Variants in KIAA1217 observed in about 807,000 individuals in gnomAD.
KIAA1217 encodes the protein KIAA1217, also known as sickle tail protein homolog.
In KIAA1217, 88 loss-of-function variants were observed where a neutral mutation model predicts 163.9. The observed-to-expected ratio is 0.54, with a 90% confidence interval of 0.45 to 0.64. The LOEUF is 0.64. Ranked by LOEUF, KIAA1217 falls within the 30% of genes least tolerant of loss-of-function variation. The pLI is 0.00. For missense variants in KIAA1217, 2,372 were observed against 2,475.0 expected (o/e 0.96, Z 0.88); for synonymous variants, 903 against 923.1 (o/e 0.98, Z 0.39).
In KIAA1217 at chr10:24,380,990, CT is replaced by C; in HGVS notation, c.481del (p.Ser161ProfsTer13). On this transcript the variant is annotated frameshift_variant, in exon 3 of 21. Transcript: ENST00000376454. LOFTEE classifies it high-confidence loss of function. Reference sequence around the variant, plus strand: ...ATGTCTGAGGGGGATGCTCCAACCCCTTTTTCCAGAGGCAGCCGGACTCGTG... The same window carrying C: ...ATGTCTGAGGGGGATGCTCCAACCCCTTTTCCAGAGGCAGCCGGACTCGTG... ...EAMSEGDAPTPFSRGSRTRAS... is the reference protein window; with the variant it reads ...EAMSEGDAPTXFSRGSRTRAS... 3 of 1,608,748 alleles carry C rather than the reference CT, an allele frequency of 1.9e-6. No individual in the cohort carries two copies. The highest frequency in any genetic ancestry group is 1.7e-5 in the Admixed American group (1 of 59,206).
chr10:24,545,159 C>T lies in KIAA1217; in HGVS notation c.5334+56C>T, dbSNP rs201621252. On this transcript the variant is annotated intron_variant, in intron 20 of 20. Transcript: ENST00000376454. ...GACGCTATTTCAGTTAAGCAAGTCA[C>T]TGACTTAGTTTATACCAAATATTGT... 2,266 of 1,608,472 alleles carry T rather than the reference C, an allele frequency of 1.4e-3. 2 individuals are homozygous for T. Among genetic ancestry groups the T allele is most frequent in the Non-Finnish European group, 1.6e-3 (1,891 of 1,176,014 alleles).
intron 11 of KIAA1217, 91 bp downstream of exon 11, chr10:24,520,344 C>G (rs2070905220): frequency 6.6e-7 from 1 of 1,513,804 alleles, no homozygotes; most frequent in Non-Finnish European, 9.0e-7. Flanking sequence ...TTCATGTATG[C>G]AAGTATTTAT....
At chr10:24,093,675 G>C (rs2062029292) in intron 2 of KIAA1217, among the ~76,000 whole-genome samples, 1 of 150,634 alleles carries the variant, frequency 6.6e-6, no homozygotes, top group Admixed American at 6.6e-5. Flanking sequence ...TATACTTTAA[G>C]TTTTAGGGTA....
Position 24,545,048 on chromosome 10 carries a change from C to A in KIAA1217, c.5279C>A (p.Thr1760Asn), listed in dbSNP as rs766229257. ...VPMSAKNRPGTLDKPGKQSKL... is the reference protein window; with the variant it reads ...VPMSAKNRPGNLDKPGKQSKL... ...ATGAGTGCCAAGAACAGACCCGGAACCCTGGACAAACCCGGCAAGCAGTCC... is the reference window on the plus strand; with the variant it reads ...ATGAGTGCCAAGAACAGACCCGGAAACCTGGACAAACCCGGCAAGCAGTCC... Residue 1760 changes from threonine (T) to asparagine (N), a missense_variant, in exon 20 of 21, where the codon ACC (threonine) becomes AAC (asparagine). By Grantham distance (65) the Thr-to-Asn change is moderately conservative. This residue lies in a region of KIAA1217 where 690 missense variants were observed against 677.5 expected (regional missense o/e 1.02). Transcript: ENST00000376454. 1.9e-6 allele frequency: 3 copies of A among 1,614,154 alleles called. No homozygotes were observed. The highest frequency in any genetic ancestry group is 2.2e-5 in the South Asian group (2 of 91,076).
At chr10:23,859,006 C>T (rs984490451) in intron 1 of KIAA1217, among the ~76,000 whole-genome samples, 1 of 152,198 alleles carries the variant, frequency 6.6e-6, no homozygotes, top group African/African-American at 2.4e-5. Flanking sequence ...GAAATTTAAA[C>T]TTATTCTAAG....
At chr10:23,747,490 C>T (rs1330362791) in intron 1 of KIAA1217, among the ~76,000 whole-genome samples, 1 of 151,948 alleles carries the variant, frequency 6.6e-6, no homozygotes, top group Non-Finnish European at 1.5e-5. Context: ...GAAATATGCT[C>T]CCACATGACC....
intron 3 of KIAA1217, among the ~76,000 whole-genome samples, chr10:24,390,005 A>G (rs999962869): frequency 6.6e-6 from 1 of 152,132 alleles, no homozygotes; most frequent in African/African-American, 2.4e-5. Flanking sequence ...ACACCTGACC[A>G]GAGTTTAAGG....
intron 1 of KIAA1217, among the ~76,000 whole-genome samples, chr10:23,704,176 A>C (rs7475615): frequency 2.7e-5 from 1 of 37,042 alleles, no homozygotes; most frequent in Non-Finnish European, 4.8e-5. Flanking sequence ...GTGTGTGTAT[A>C]TATATATATA....
intron 1 of KIAA1217, among the ~76,000 whole-genome samples, chr10:23,823,079 A>T (rs1294314862): frequency 1.3e-5 from 2 of 152,208 alleles, no homozygotes; most frequent in East Asian, 3.9e-4. Context: ...TGTCTTAAGC[A>T]TGCTTCACCT....
chr10:23,926,756 A>T (rs1041395447), intron 1 of KIAA1217, among the ~76,000 whole-genome samples: 8 of 151,316 alleles, frequency 5.3e-5, no homozygotes, highest in Non-Finnish European at 1.0e-4. Flanking sequence ...TAAATAAATA[A>T]ATAAAGTGCC....
intron 1 of KIAA1217, among the ~76,000 whole-genome samples, chr10:23,970,242 T>C (rs1361475852): frequency 6.6e-6 from 1 of 152,250 alleles, no homozygotes; most frequent in Non-Finnish European, 1.5e-5. Flanking sequence ...AGTATTCTTC[T>C]TAGGGATTTA....
intron 2 of KIAA1217, among the ~76,000 whole-genome samples, chr10:24,037,690 G>A (rs1848455053): frequency 6.6e-6 from 1 of 152,140 alleles, no homozygotes; most frequent in Non-Finnish European, 1.5e-5. Context: ...TTATAGGTGT[G>A]TACCATTCCC....
rs368775420 is a variant in KIAA1217 at position 24,121,766 on chromosome 10, A to C, written c.-170-97860A>C. Among the ~76,000 whole-genome samples, 14 of 152,308 alleles carry C rather than the reference A, an allele frequency of 9.2e-5. No individual in the cohort carries two copies. In the South Asian group the frequency reaches 2.9e-3, roughly 32 times the overall value. On this transcript the variant is annotated intron_variant, in intron 2 of 18. Transcript: ENST00000376462. ...AAGAAATAAGTTTGTAAATATGGGA[A>C]GGGAAGTCACTGGGGGTTACTAACA...
In KIAA1217 at chr10:24,473,356, C is replaced by T. The variant is rs1048420099; in HGVS notation, c.975C>T (p.Pro325=). The T allele has an allele frequency of 4.4e-6, 7 of 1,603,548 alleles. No individual in the cohort carries two copies. The highest frequency in any genetic ancestry group is 6.0e-6 in the Non-Finnish European group (7 of 1,174,282). Residue 325 remains proline, a synonymous_variant, in exon 6 of 21, where the codon CCC becomes CCT. Transcript: ENST00000376454. ...PSTPVPHSMP[P]SPSRIPYGGT... is the part of the protein sequence containing the mutation. ...CTCCAGTGCCCCATTCCATGCCCCC[C>T]TCCCCGTCCAGAATTCCTTATGGGG...
At chr10:23,704,949 A>T (rs1383657532) in intron 1 of KIAA1217, among the ~76,000 whole-genome samples, 3 of 152,142 alleles carry the variant, frequency 2.0e-5, no homozygotes, top group Non-Finnish European at 4.4e-5. Context: ...TTTTCCTCAC[A>T]TCTTTGCCAA....
chr10:23,831,407 C>T (rs995134453), intron 1 of KIAA1217, among the ~76,000 whole-genome samples: 2 of 151,886 alleles, frequency 1.3e-5, no homozygotes, highest in African/African-American at 4.8e-5. Flanking sequence ...GAGTTAGTAT[C>T]CAAAATACAT....
At chr10:24,067,470 C>T (rs900640559) in intron 2 of KIAA1217, among the ~76,000 whole-genome samples, 6 of 152,194 alleles carry the variant, frequency 3.9e-5, no homozygotes, top group African/African-American at 1.2e-4. Flanking sequence ...TATTGGTGAA[C>T]CGCAAATGCT....
At chr10:23,799,189 T>C (rs1836352170) in intron 1 of KIAA1217, among the ~76,000 whole-genome samples, 1 of 152,152 alleles carries the variant, frequency 6.6e-6, no homozygotes, top group South Asian at 2.1e-4. Context: ...AGTCATATTG[T>C]ATTGAGGCCC....
intron 3 of KIAA1217, among the ~76,000 whole-genome samples, chr10:24,402,470 C>T (rs2056653590): frequency 6.8e-6 from 1 of 147,792 alleles, no homozygotes; most frequent in African/African-American, 2.6e-5. Flanking sequence ...GATCGCGCCA[C>T]TGCACTCCAG....
Sources: allele counts gnomAD v4.1 joint callset (sites outside exome capture counted in the v4.1 genomes callset), GRCh38; gene constraint gnomAD v4.1.1; regional missense constraint gnomAD v4.1.1; transcripts MANE v1.5; gene names NCBI Gene and HGNC (gene_info 2026-07-23, HGNC 2026-07-21).